Variants in CLIC4 observed in about 807,000 individuals in gnomAD.
The protein encoded by CLIC4 is chloride intracellular channel protein 4.
CLIC4 carries 13 observed loss-of-function variants against 24.6 expected under a neutral mutation model. The ratio of observed to expected loss-of-function variants is 0.53; its 90% confidence interval spans 0.34 to 0.84. The LOEUF (loss-of-function observed/expected upper bound fraction) is 0.84, where lower values mean the gene tolerates loss of function less well. Among genes scored for constraint, CLIC4 ranks in the 40% least tolerant of loss-of-function variants. The pLI is 0.01. For synonymous variants in CLIC4, 104 were observed against 111.3 expected (o/e 0.93, Z 0.41); for missense variants, 227 against 301.7 (o/e 0.75, Z 1.83).
intron 1 of CLIC4, among the ~76,000 whole-genome samples, chr1:24,789,299 C>T (rs1022771999): frequency 1.3e-5 from 2 of 152,316 alleles, no homozygotes; most frequent in Admixed American, 1.3e-4. Context: ...GGGCGAATCA[C>T]TTGAGGTCAG....
At chr1:24,789,474 C>T (rs1050471343) in intron 1 of CLIC4, among the ~76,000 whole-genome samples, 8 of 152,136 alleles carry the variant, frequency 5.3e-5, no homozygotes, top group Admixed American at 4.6e-4. Flanking sequence ...GCCGTGATCG[C>T]GCCATTGCAT....
chr1:24,763,891 T>C (rs1401593016), intron 1 of CLIC4, among the ~76,000 whole-genome samples: 1 of 152,224 alleles, frequency 6.6e-6, no homozygotes, highest in East Asian at 1.9e-4. Context: ...TTTGCTATAA[T>C]AAAGTAAGCT....
chr1:24,760,098 G>T (rs1222964956), intron 1 of CLIC4, among the ~76,000 whole-genome samples: 1 of 152,202 alleles, frequency 6.6e-6, no homozygotes, highest in Non-Finnish European at 1.5e-5. Flanking sequence ...AGATGTGGTG[G>T]TTCATGCCTG....
intron 1 of CLIC4, among the ~76,000 whole-genome samples, chr1:24,787,618 G>A (rs1396243525): frequency 6.8e-6 from 1 of 146,398 alleles, no homozygotes; most frequent in African/African-American, 2.5e-5. Flanking sequence ...CTCACTGCAA[G>A]CTCCGCCTCC....
chr1:24,838,931 T>C (rs1421393745), intron 4 of CLIC4, among the ~76,000 whole-genome samples: 2 of 152,166 alleles, frequency 1.3e-5, no homozygotes, highest in African/African-American at 2.4e-5. Context: ...ATCATGACAA[T>C]CAGAGCATCT....
At chr1:24,781,730 C>T (rs537917017) in intron 1 of CLIC4, among the ~76,000 whole-genome samples, 2 of 151,018 alleles carry the variant, frequency 1.3e-5, no homozygotes, top group Admixed American at 6.6e-5. Context: ...TGCAGTGGCG[C>T]GATCTCGGCT....
At chr1:24,831,270 C>T (rs1639837500) in intron 4 of CLIC4, among the ~76,000 whole-genome samples, 1 of 152,108 alleles carries the variant, frequency 6.6e-6, no homozygotes, top group Admixed American at 6.5e-5. Context: ...ACCACATTGC[C>T]CAGGCTGGTC....
At chr1:24,793,762 A>G (rs1469068316) in intron 1 of CLIC4, among the ~76,000 whole-genome samples, 1 of 151,418 alleles carries the variant, frequency 6.6e-6, no homozygotes, top group Non-Finnish European at 1.5e-5. Context: ...CTGTCTGATT[A>G]GGGTTCTAGA....
At chr1:24,788,218 G>GA (rs753472548) in intron 1 of CLIC4, among the ~76,000 whole-genome samples, 7 of 151,870 alleles carry the variant, frequency 4.6e-5, no homozygotes, top group Non-Finnish European at 1.0e-4. Flanking sequence ...TCGAACTCCT[G>GA]ACCTCAAGTG....
intron 3 of CLIC4, among the ~76,000 whole-genome samples, chr1:24,825,025 C>T (rs1639773596): frequency 6.6e-6 from 1 of 150,702 alleles, no homozygotes. Context: ...CACACACACA[C>T]ACACACACAC....
At chr1:24,764,186 C>T (rs981842715) in intron 1 of CLIC4, among the ~76,000 whole-genome samples, 4 of 152,138 alleles carry the variant, frequency 2.6e-5, no homozygotes, top group African/African-American at 4.8e-5. Flanking sequence ...CCGCAACCTC[C>T]GCCTCCCGGG....
At chr1:24,749,870 G>A (rs1026094697) in intron 1 of CLIC4, among the ~76,000 whole-genome samples, 9 of 152,084 alleles carry the variant, frequency 5.9e-5, no homozygotes, top group African/African-American at 2.2e-4. Context: ...TGAGGCAGGC[G>A]GATCTCTTGA....
chr1:24,784,677 C>T (rs1639243487), intron 1 of CLIC4, among the ~76,000 whole-genome samples: 1 of 152,168 alleles, frequency 6.6e-6, no homozygotes, highest in Non-Finnish European at 1.5e-5. Flanking sequence ...ATGGTAGCAA[C>T]CGAAGTCTTT....
intron 2 of CLIC4, among the ~76,000 whole-genome samples, chr1:24,804,338 G>C (rs1639522372): frequency 6.7e-6 from 1 of 149,088 alleles, no homozygotes; most frequent in African/African-American, 2.5e-5. Flanking sequence ...AGAATCACAT[G>C]TGTACCCACT....
chr1:24,753,186 G>C (rs1028215054), intron 1 of CLIC4, among the ~76,000 whole-genome samples: 1 of 152,080 alleles, frequency 6.6e-6, no homozygotes, highest in African/African-American at 2.4e-5. Flanking sequence ...GGAATTCTTA[G>C]AGTCAAGAAT....
At chr1:24,777,411 G>A (rs1467215542) in intron 1 of CLIC4, among the ~76,000 whole-genome samples, 1 of 152,090 alleles carries the variant, frequency 6.6e-6, no homozygotes, top group Non-Finnish European at 1.5e-5. Context: ...AGGCGTGGTG[G>A]CATGTGCCTG....
intron 1 of CLIC4, among the ~76,000 whole-genome samples, chr1:24,778,281 G>C (rs1176156974): frequency 6.6e-6 from 1 of 152,086 alleles, no homozygotes; most frequent in African/African-American, 2.4e-5. Flanking sequence ...CTGAACCTCA[G>C]TTTCCTCATC....
intron 1 of CLIC4, among the ~76,000 whole-genome samples, chr1:24,785,976 A>C (rs1639263602): frequency 6.6e-6 from 1 of 152,182 alleles, no homozygotes; most frequent in Middle Eastern, 3.2e-3. Context: ...GTCTAAATCA[A>C]AGCAACCATT....
chr1:24,784,981 GC>G, intron 1 of CLIC4, among the ~76,000 whole-genome samples: 1 of 145,276 alleles, frequency 6.9e-6, no homozygotes, highest in Non-Finnish European at 1.5e-5. Flanking sequence ...TCCAGCCTGG[GC>G]GACAGCGCGA....
Sources: allele counts gnomAD v4.1 joint callset (sites outside exome capture counted in the v4.1 genomes callset), GRCh38; gene constraint gnomAD v4.1.1; transcripts MANE v1.5; gene names NCBI Gene and HGNC (gene_info 2026-07-23, HGNC 2026-07-21).